VPS4A: variants seen among roughly 807,000 people sequenced by gnomAD.
VPS4A encodes vacuolar protein sorting 4 homolog A, also known as vacuolar protein sorting-associated protein 4A.
Under a neutral mutation model 52.3 loss-of-function variants are expected in VPS4A, and 20 were observed. The ratio of observed to expected loss-of-function variants is 0.38; its 90% CI spans 0.27 to 0.56. VPS4A has a LOEUF of 0.56. Among genes scored for constraint, VPS4A ranks in the 20% least tolerant of loss-of-function variants. The pLI is 0.72. For synonymous variants in VPS4A, 293 were observed against 227.7 expected, an observed-to-expected ratio of 1.29 and a Z score of -2.58; for missense variants, 419 against 575.9, an observed-to-expected ratio of 0.73 and a Z score of 2.79.
chr16:69,320,104 G>A lies in VPS4A; in HGVS notation c.621-37G>A, dbSNP rs767308164. The A allele has an allele frequency of 2.5e-6, 4 of 1,593,738 alleles. No individual in the cohort carries two copies. Among genetic ancestry groups the A allele is most frequent in the South Asian group, 1.1e-5 (1 of 90,018 alleles). The stretch of plus-strand genomic sequence containing the variant: ...CGGGAGCCCAGGCGGGCACGGACGT[G>A]AACGTCTTGTCCTCACCCCCTTTCT... On this transcript the variant is annotated intron_variant, in intron 6 of 10. Transcript: ENST00000254950. The surrounding 1 kb of genome is among the most constrained non-coding windows in gnomAD (Gnocchi z 4.2).
rs904913790 is a variant in VPS4A at position 69,311,417 on chromosome 16, G to C, written c.-95G>C. ...CGCACCGCGCTCAGCGCCCACCGCC[G>C]GGCTTCCCGCGCCGGACCCAGTACC... is the stretch of plus-strand genomic sequence containing the variant. On this transcript the variant is annotated 5_prime_UTR_variant, in exon 1 of 11. Coordinates refer to ENST00000254950, the MANE Select transcript of VPS4A (RefSeq NM_013245.3). The C allele has an allele frequency of 3.6e-5, 43 of 1,211,104 alleles. No homozygotes were observed. The highest frequency in any genetic ancestry group is 4.2e-5 in the Non-Finnish European group (40 of 962,168). 75.0% of individuals were successfully genotyped at this position (1,211,104 alleles called of 1,614,324 possible).
In VPS4A at chr16:69,318,710, G is replaced by GT; in HGVS notation, c.342_343insT (p.Gly115TrpfsTer92). The GT allele has an allele frequency of 6.2e-7, 1 of 1,613,816 alleles. No homozygotes were observed. Among genetic ancestry groups the GT allele is most frequent in the Non-Finnish European group, 8.5e-7 (1 of 1,179,818 alleles). On this transcript the variant is annotated frameshift_variant and splice_region_variant, in exon 4 of 11. Transcript: ENST00000254950. LOFTEE classifies it high-confidence loss of function. ...AAAAGAAACTGCAAGAACAGCTGATGGGTAAGTGGCTCGCGGCCCTGTGGC... is the reference window on the plus strand; with the variant it reads ...AAAAGAAACTGCAAGAACAGCTGATGTGGTAAGTGGCTCGCGGCCCTGTGGC...
chr16:69,319,323 C>G (rs908591607), intron 5 of VPS4A, 64 bp from the exon 6 acceptor site: 2 of 1,593,828 alleles, frequency 1.3e-6, no homozygotes, highest in Non-Finnish European at 8.6e-7. Flanking sequence ...GGACTCGAGA[C>G]CCTCTGCTTT....
chr16:69,320,079 C>A lies in VPS4A; in HGVS notation c.621-62C>A. On this transcript the variant is annotated intron_variant, in intron 6 of 10. Coordinates refer to ENST00000254950, the MANE Select transcript of VPS4A (RefSeq NM_013245.3). The surrounding 1 kb of genome is among the most constrained non-coding windows in gnomAD (Gnocchi z 4.2). Reference sequence around the variant, plus strand: ...GGGAAGGGTGAGAAGAGGGAAGTGCCGGGAGCCCAGGCGGGCACGGACGTG... The same window carrying A: ...GGGAAGGGTGAGAAGAGGGAAGTGCAGGGAGCCCAGGCGGGCACGGACGTG... 28 of 1,546,692 alleles carry A rather than the reference C, an allele frequency of 1.8e-5. No homozygotes were observed. Among genetic ancestry groups the A allele is most frequent in the Non-Finnish European group, 2.2e-5 (25 of 1,138,964 alleles).
At chr16:69,324,094 G>C in intron 10 of VPS4A, 114 bp from the exon 11 acceptor site, 2 of 986,548 alleles carry the variant, frequency 2.0e-6, no homozygotes, top group Non-Finnish European at 1.5e-6. Flanking sequence ...AGGCCTCTGG[G>C]GTGGCCTTGA....
chr16:69,317,886 G>A (rs993816625), intron 3 of VPS4A, among the ~76,000 whole-genome samples: 1 of 151,674 alleles, frequency 6.6e-6, no homozygotes, highest in East Asian at 1.9e-4. Flanking sequence ...ACTTGAACCC[G>A]GGAGGCGGAG....
rs1009352652 is a variant in VPS4A, at chr16:69,325,151, A to G, written c.*842A>G. On this transcript the variant is annotated 3_prime_UTR_variant, in exon 11 of 11. Coordinates refer to ENST00000254950, the MANE Select transcript of VPS4A (RefSeq NM_013245.3). ...TTCTGTCTCCTCTCTTTTCTAAAGC[A>G]GAGCAGGAAACAGAACACTGCAGTT... The G allele has an allele frequency of 2.0e-5, 3 of 152,292 alleles. No individual in the cohort carries two copies. Among genetic ancestry groups the G allele is most frequent in the Non-Finnish European group, 4.4e-5 (3 of 68,072 alleles). 9.4% of individuals were successfully genotyped at this position (152,292 alleles called of 1,614,324 possible). A position where few individuals can be genotyped will look rare whatever the true frequency, so the allele number is the denominator to read the frequency against.
intron 5 of VPS4A, 81 bp downstream of exon 5, chr16:69,319,023 A>C: frequency 6.4e-7 from 1 of 1,558,464 alleles, no homozygotes; most frequent in Non-Finnish European, 8.6e-7. Context: ...CCCGGGAGTC[A>C]GTGGCGACTC....
chr16:69,324,387 G>C lies in VPS4A; in HGVS notation c.*78G>C, dbSNP rs1965556350. 1 of 1,435,398 alleles carries C rather than the reference G, an allele frequency of 7.0e-7. No individual in the cohort carries two copies. Among genetic ancestry groups the C allele is most frequent in the Non-Finnish European group, 9.7e-7 (1 of 1,034,866 alleles). The allele number at this position is 1,435,398 out of a possible 1,614,324, so 88.9% of individuals were successfully genotyped here. A position where few individuals can be genotyped will look rare whatever the true frequency, so the allele number is the denominator to read the frequency against. On this transcript the variant is annotated 3_prime_UTR_variant, in exon 11 of 11. Transcript: ENST00000254950. ...CAGGCACTCCCCATGTCAACAGCCA[G>C]ACAGGGCTCCAGGGCTTGTCCCAGT... is the stretch of plus-strand genomic sequence containing the variant.
rs1394272026 is a variant in VPS4A at position 69,324,992 on chromosome 16, T to TG, written c.*686dup. On this transcript the variant is annotated 3_prime_UTR_variant, in exon 11 of 11. Coordinates refer to ENST00000254950, the MANE Select transcript of VPS4A (RefSeq NM_013245.3). ...GAACACTGAACCCAGCCACTGCCCC[T>TG]GGGTCCCTGTCCTGGAAATGGTCTA... 2.6e-5 allele frequency: 4 copies of TG among 152,614 alleles called. No individual in the cohort carries two copies. The highest frequency in any genetic ancestry group is 5.9e-5 in the Non-Finnish European group (4 of 68,326). 9.5% of individuals were successfully genotyped at this position (152,614 alleles called of 1,614,324 possible).
chr16:69,321,208 A>G lies in VPS4A; in HGVS notation c.1009A>G (p.Ile337Val). ...EGYSGADISI[I>V]VRDSLMQPVR... ...CTACTCGGGCGCGGACATCAGCATC[A>G]TCGTGCGGGACTCTCTCATGCAGCC... Residue 337 changes from isoleucine to valine, a missense_variant, in exon 9 of 11, where the codon ATC (isoleucine) becomes GTC (valine). This residue lies in a region of VPS4A where 185 missense variants were observed against 200.2 expected (regional missense o/e 0.92). Coordinates refer to ENST00000254950, the MANE Select transcript of VPS4A (RefSeq NM_013245.3). The surrounding 1 kb of genome is among the most constrained non-coding windows in gnomAD (Gnocchi z 4.5). The G allele has an allele frequency of 1.3e-6, 2 of 1,568,930 alleles. No individual in the cohort carries two copies. The highest frequency in any genetic ancestry group is 1.7e-6 in the Non-Finnish European group (2 of 1,157,576).
At chr16:69,312,825 C>T (rs904142981) in intron 1 of VPS4A, among the ~76,000 whole-genome samples, 1 of 152,018 alleles carries the variant, frequency 6.6e-6, no homozygotes, top group Admixed American at 6.6e-5. Context: ...GTTGGCCAGG[C>T]TGGTCTCGAA....
intron 5 of VPS4A, 102 bp downstream of exon 5, chr16:69,319,044 G>GGC: frequency 6.6e-7 from 1 of 1,508,508 alleles, no homozygotes; most frequent in South Asian, 1.3e-5. Context: ...AGCCCCCGGG[G>GGC]CCTGCAGAGG....
chr16:69,319,997 C>A, intron 6 of VPS4A, 144 bp from the exon 7 acceptor site: 1 of 1,132,070 alleles, frequency 8.8e-7, no homozygotes. Context: ...GGCCCGAGGG[C>A]TCCTCACCAC....
chr16:69,321,234 C>T lies in VPS4A; in HGVS notation c.1035C>T (p.Pro345=), dbSNP rs372188963. The change falls in exon 9 of 11, where the codon CCC becomes CCT. Residue 345 remains proline, a synonymous_variant. Transcript: ENST00000254950. This position sits in a 1 kb window ranked among gnomAD's most constrained non-coding sequence, Gnocchi z 4.5. ...TCGTGCGGGACTCTCTCATGCAGCCCGTGAGGAAGGTGCAGTCGGCCACAC... is the reference window on the plus strand; with the variant it reads ...TCGTGCGGGACTCTCTCATGCAGCCTGTGAGGAAGGTGCAGTCGGCCACAC... ...SIIVRDSLMQ[P]VRKVQSATHF... The T allele has an allele frequency of 3.3e-5, 51 of 1,561,878 alleles. No individual in the cohort carries two copies. Among genetic ancestry groups the T allele is most frequent in the East Asian group, 1.2e-4 (5 of 41,598 alleles).
At chr16:69,319,029 G>A (rs1209542026) in intron 5 of VPS4A, 87 bp downstream of exon 5, 28 of 1,550,526 alleles carry the variant, frequency 1.8e-5, no homozygotes, top group Middle Eastern at 1.9e-4. Flanking sequence ...AGTCAGTGGC[G>A]ACTCAGCCCC....
chr16:69,324,404 T>C lies in VPS4A; in HGVS notation c.*95T>C. 7.6e-7 allele frequency: 1 copy of C among 1,321,360 alleles called. No homozygotes were observed. Among genetic ancestry groups the C allele is most frequent in the Non-Finnish European group, 1.1e-6 (1 of 939,500 alleles). The allele number at this position is 1,321,360 out of a possible 1,614,324, so 81.9% of individuals were successfully genotyped here. On this transcript the variant is annotated 3_prime_UTR_variant, in exon 11 of 11. Coordinates refer to ENST00000254950, the MANE Select transcript of VPS4A (RefSeq NM_013245.3). ...AACAGCCAGACAGGGCTCCAGGGCTTGTCCCAGTCAATACAGAGTTCCCTC... is the reference window on the plus strand; with the variant it reads ...AACAGCCAGACAGGGCTCCAGGGCTCGTCCCAGTCAATACAGAGTTCCCTC...
At chr16:69,322,501 G>T (rs923955243) in intron 9 of VPS4A, 59 bp from the exon 10 acceptor site, 3 of 1,532,848 alleles carry the variant, frequency 2.0e-6, no homozygotes, top group Admixed American at 2.0e-5. Context: ...GAGACCGGAG[G>T]GGTCGAGCCC....
chr16:69,322,720 AG>A lies in VPS4A; in HGVS notation c.1212+23del. ...TGCATGGTAAGTGACTTGACAGGGG[AG>A]GGAAGAGGGCTGCACAGAGCCCAGA... On this transcript the variant is annotated intron_variant, in intron 10 of 10. Transcript: ENST00000254950. The A allele has an allele frequency of 6.2e-7, 1 of 1,609,150 alleles. No homozygotes were observed. The highest frequency in any genetic ancestry group is 8.5e-7 in the Non-Finnish European group (1 of 1,176,940).
Sources: allele counts gnomAD v4.1 joint callset (sites outside exome capture counted in the v4.1 genomes callset), GRCh38; gene constraint gnomAD v4.1.1; regional missense constraint gnomAD v4.1.1; non-coding constraint Gnocchi (gnomAD v3.1); transcripts MANE v1.5; gene names NCBI Gene and HGNC (gene_info 2026-07-23, HGNC 2026-07-21).